TBX19: variants seen among roughly 807,000 people sequenced by gnomAD.
TBX19 encodes T-box transcription factor 19.
Under a neutral mutation model 40.9 loss-of-function variants are expected in TBX19, and 33 were observed. That is an observed-to-expected ratio of 0.81 (90% CI 0.61 to 1.08). The LOEUF (loss-of-function observed/expected upper bound fraction) is 1.08. Ranked by LOEUF, TBX19 falls within the 50% of genes least tolerant of loss-of-function variation. The pLI is 0.00. For synonymous variants in TBX19, 220 were observed against 225.0 expected (o/e 0.98, Z 0.20); for missense variants, 494 against 574.0 (o/e 0.86, Z 1.42).
At chr1:168,297,889 A>G in intron 4 of TBX19, 104 bp downstream of exon 4, 4 of 1,014,322 alleles carry the variant, frequency 3.9e-6, no homozygotes, top group Non-Finnish European at 4.5e-6. Flanking sequence ...TAGCACTTTC[A>G]TTACCTTTTA....
rs1553289061 is a variant in TBX19 at position 168,293,289 on chromosome 1, G to GTGTT, written c.603+14_603+15insTTGT. ...TATCAGAATGAGGAGGTAAGAGTGT[G>GTGTT]TGTGTGTGTGTGTGTGTGTGTGTGT... is the stretch of plus-strand genomic sequence containing the variant. On this transcript the variant is annotated intron_variant, in intron 3 of 7. Transcript: ENST00000367821. 36 of 1,217,074 alleles carry GTGTT rather than the reference G, an allele frequency of 3.0e-5. No individual in the cohort carries two copies. The highest frequency in any genetic ancestry group is 3.8e-5 in the Non-Finnish European group (35 of 926,866). The allele number at this position is 1,217,074 out of a possible 1,614,324, so 75.4% of individuals were successfully genotyped here.
intron 6 of TBX19, 87 bp downstream of exon 6, chr1:168,305,283 T>C: frequency 1.6e-6 from 2 of 1,273,004 alleles, no homozygotes; most frequent in Non-Finnish European, 2.3e-6. Flanking sequence ...GGAAAAGGAG[T>C]AGCTAAAGAT....
At chr1:168,287,031 C>T (rs1008788726) in intron 1 of TBX19, among the ~76,000 whole-genome samples, 1 of 152,202 alleles carries the variant, frequency 6.6e-6, no homozygotes, top group South Asian at 2.1e-4. Context: ...ACATCAGGTA[C>T]AGCTCTGACC....
chr1:168,281,274 A>G lies in TBX19; in HGVS notation c.184A>G (p.Ile62Val). Residue 62 changes from isoleucine to valine, a missense_variant, in exon 1 of 8, where the codon ATT (isoleucine) becomes GTT (valine). Around this residue, in one of 3 missense-constraint regions of TBX19, gnomAD observed 201 missense variants for 235.2 expected, o/e 0.85. Coordinates refer to ENST00000367821, the MANE Select transcript of TBX19 (RefSeq NM_005149.3). ...QRFKEVTNEMIVTKNGRRMFP... is the reference protein window; with the variant it reads ...QRFKEVTNEMVVTKNGRRMFP... Reference sequence around the variant, plus strand: ...ATTCAAGGAAGTCACTAATGAGATGATTGTGACCAAGAATGGCAGGTGAGT... The same window carrying G: ...ATTCAAGGAAGTCACTAATGAGATGGTTGTGACCAAGAATGGCAGGTGAGT... The G allele has an allele frequency of 6.2e-7, 1 of 1,614,172 alleles. No homozygotes were observed. Among genetic ancestry groups the G allele is most frequent in the South Asian group, 1.1e-5 (1 of 91,086 alleles).
chr1:168,308,445 G>A (rs1649453644), intron 6 of TBX19: 1 of 406,620 alleles, frequency 2.5e-6, no homozygotes. Flanking sequence ...GGTGAAATGA[G>A]TTAGACAGAT....
chr1:168,297,081 GT>G (rs1427174570), intron 3 of TBX19, among the ~76,000 whole-genome samples: 1 of 152,054 alleles, frequency 6.6e-6, no homozygotes, highest in African/African-American at 2.4e-5. Flanking sequence ...CTATCTATCT[GT>G]TTTATCTCTA....
At chr1:168,284,080 C>T (rs903501827) in intron 1 of TBX19, among the ~76,000 whole-genome samples, 2 of 152,168 alleles carry the variant, frequency 1.3e-5, no homozygotes, top group African/African-American at 4.8e-5. Context: ...TCTCTTCTTT[C>T]GTTCCTTCCT....
chr1:168,312,606 G>A, intron 7 of TBX19, 102 bp from the exon 8 acceptor site: 1 of 1,381,120 alleles, frequency 7.2e-7, no homozygotes, highest in South Asian at 1.2e-5. Flanking sequence ...AAGCCCTCCT[G>A]TAACCATGCC....
chr1:168,305,105 C>T lies in TBX19; in HGVS notation c.825C>T (p.Thr275=). ...CTCTGCCTCTGCCTGCTCCCCACAC[C>T]CACCATGGCTGTGAGCACTATTCGG... ...AAPLPLPAPH[T]HHGCEHYSGL... The change falls in exon 6 of 8, where the codon ACC becomes ACT. Residue 275 remains threonine, a synonymous_variant. Transcript: ENST00000367821. 6.2e-7 allele frequency: 1 copy of T among 1,614,162 alleles called. No homozygotes were observed.
intron 1 of TBX19, among the ~76,000 whole-genome samples, chr1:168,288,386 C>T (rs970489762): frequency 4.6e-5 from 7 of 151,980 alleles, no homozygotes; most frequent in African/African-American, 1.7e-4. Flanking sequence ...CCTGACTGTA[C>T]ATGATAACTA....
At chr1:168,297,833 A>T in intron 4 of TBX19, 48 bp downstream of exon 4, 1 of 1,455,774 alleles carries the variant, frequency 6.9e-7, no homozygotes, top group Non-Finnish European at 9.6e-7. Flanking sequence ...GATTTATGCA[A>T]ATACAAATGT....
intron 3 of TBX19, among the ~76,000 whole-genome samples, chr1:168,294,344 T>C (rs1649047856): frequency 6.6e-6 from 1 of 152,056 alleles, no homozygotes; most frequent in African/African-American, 2.4e-5. Flanking sequence ...TTTTCTTTTT[T>C]TTTTTTGAGA....
intron 6 of TBX19, 159 bp from the exon 7 acceptor site, chr1:168,308,583 C>A (rs376175238): frequency 2.2e-6 from 2 of 892,706 alleles, no homozygotes; most frequent in East Asian, 2.6e-5. Flanking sequence ...AGGAAACCCA[C>A]GTTTCTTTTT....
intron 6 of TBX19, among the ~76,000 whole-genome samples, chr1:168,305,407 A>T (rs982672775): frequency 3.3e-5 from 5 of 151,972 alleles, no homozygotes; most frequent in African/African-American, 9.7e-5. Flanking sequence ...AGTTTTTTTT[A>T]AAAAAATTAT....
At chr1:168,310,816 T>C (rs942485812) in intron 7 of TBX19, among the ~76,000 whole-genome samples, 132 of 146,638 alleles carry the variant, frequency 9.0e-4, no homozygotes, top group African/African-American at 3.0e-3. Flanking sequence ...ATCTATAAAA[T>C]ATATATTAAA....
At chr1:168,297,867 G>T in intron 4 of TBX19, 82 bp downstream of exon 4, 1 of 1,227,030 alleles carries the variant, frequency 8.1e-7, no homozygotes, top group South Asian at 1.3e-5. Context: ...ATCTTGAAAG[G>T]AACTAGACTA....
At chr1:168,283,337 C>T (rs1648710756) in intron 1 of TBX19, among the ~76,000 whole-genome samples, 1 of 152,050 alleles carries the variant, frequency 6.6e-6, no homozygotes, top group Non-Finnish European at 1.5e-5. Context: ...TTAAATTCTC[C>T]TAAGCTCTCG....
rs572274343 is a variant in TBX19, at chr1:168,304,800, A to G, written c.728-208A>G. ...TGCAAAGGCAGTTTCAGGACTGGTC[A>G]TGCATTTCCAGAGAAGCCAAGTTAG... On this transcript the variant is annotated intron_variant, in intron 5 of 7. Coordinates refer to ENST00000367821, the MANE Select transcript of TBX19 (RefSeq NM_005149.3). 8.5e-5 allele frequency among the ~76,000 whole-genome samples: 13 copies of G among 152,354 alleles called. 1 individual carries two copies. In the South Asian group the frequency reaches 2.5e-3, roughly 29 times the overall value.
Position 168,312,980 on chromosome 1 carries a change from C to T in TBX19, c.1325C>T (p.Ser442Phe), listed in dbSNP as rs1400705837. 6.2e-7 allele frequency: 1 copy of T among 1,614,216 alleles called. No homozygotes were observed. The stretch of plus-strand genomic sequence containing the variant: ...GGCCCAGGAGCGGGTGGGCACCATT[C>T]TCCTTCCTCACTGGATGGTTAAGCA... ...WGGPGAGGHH[S>F]PSSLDG The change falls in exon 8 of 8, where the codon TCT becomes TTT. Residue 442 changes from serine to phenylalanine, a missense_variant. Around this residue, in one of 3 missense-constraint regions of TBX19, gnomAD observed 284 missense variants for 307.3 expected, o/e 0.92. Transcript: ENST00000367821.
Sources: gnomAD v4.1 joint callset for allele counts (sites outside exome capture counted in the v4.1 genomes callset) on GRCh38, gnomAD v4.1.1 for gene constraint, gnomAD v4.1.1 regional missense constraint, MANE v1.5 for transcripts, NCBI Gene and HGNC (gene_info 2026-07-23, HGNC 2026-07-21) for gene names.